Variants in CEP350 observed in about 807,000 individuals in gnomAD.
CEP350 encodes centrosome-associated protein 350.
Under a neutral mutation model 331.8 loss-of-function variants are expected in CEP350, and 126 were observed. That is an observed-to-expected ratio of 0.38 (90% CI 0.33 to 0.44). The LOEUF (loss-of-function observed/expected upper bound fraction) is 0.44, where lower values mean the gene tolerates loss of function less well. CEP350 is among the 20% of genes least tolerant of loss of function. The pLI is 1.00. For missense variants in CEP350, 3,406 were observed against 3,634.6 expected, an observed-to-expected ratio of 0.94 and a Z score of 1.62; for synonymous variants, 1,200 against 1,259.5, an observed-to-expected ratio of 0.95 and a Z score of 1.00.
chr1:180,083,856 G>A (rs377317965), intron 30 of CEP350, among the ~76,000 whole-genome samples, 162 bp from the exon 31 acceptor site: 5 of 151,812 alleles, frequency 3.3e-5, no homozygotes, highest in Non-Finnish European at 4.4e-5. Flanking sequence ...GGAATTATAG[G>A]GATACATTTT....
At chr1:180,006,052 T>G (rs1654234118) in intron 7 of CEP350, among the ~76,000 whole-genome samples, 1 of 152,186 alleles carries the variant, frequency 6.6e-6, no homozygotes, top group Non-Finnish European at 1.5e-5. Context: ...TTTAAGAATA[T>G]TATATTGAGT....
intron 14 of CEP350, among the ~76,000 whole-genome samples, chr1:180,029,270 G>A (rs908622177): frequency 6.6e-6 from 1 of 152,076 alleles, no homozygotes; most frequent in African/African-American, 2.4e-5. Flanking sequence ...TGCACAGAAT[G>A]TTATCTTGTC....
chr1:180,016,468 C>CT (rs1276595450), intron 11 of CEP350, among the ~76,000 whole-genome samples: 2 of 151,964 alleles, frequency 1.3e-5, no homozygotes, highest in Non-Finnish European at 2.9e-5. Context: ...CCTTAAAATA[C>CT]TTTTTTGCTG....
chr1:180,078,385 A>T (rs1659363376), intron 28 of CEP350, 78 bp from the exon 29 acceptor site: 5 of 1,071,840 alleles, frequency 4.7e-6, no homozygotes, highest in Non-Finnish European at 6.8e-6. Context: ...AATATGCTAA[A>T]AACAATGTTT....
chr1:180,090,449 G>C (rs1660107303), intron 32 of CEP350, among the ~76,000 whole-genome samples: 2 of 150,086 alleles, frequency 1.3e-5, no homozygotes, highest in Non-Finnish European at 1.5e-5. Context: ...GGGAGGCTGA[G>C]GCAGGAGAAT....
Position 180,093,451 on chromosome 1 carries a change from A to T in CEP350, c.7346A>T (p.Asn2449Ile). Reference sequence around the variant, plus strand: ...GAGAAAAGCCTTTCTATCCATAGCAATGTTCATTCTGACAGGCTGTTGGAA... The same window carrying T: ...GAGAAAAGCCTTTCTATCCATAGCATTGTTCATTCTGACAGGCTGTTGGAA... Reference protein sequence around the residue: ...LSEKSLSIHSNVHSDRLLELK... With the variant: ...LSEKSLSIHSIVHSDRLLELK... The change falls in exon 34 of 38, where the codon AAT becomes ATT. Residue 2449 changes from asparagine (N) to isoleucine (I), a missense_variant. Physicochemically the swap from Asn to Ile is moderately radical, Grantham distance 149. This residue lies in a region of CEP350 where 1,415 missense variants were observed against 1,512.3 expected (regional missense o/e 0.94). Coordinates refer to ENST00000367607, the MANE Select transcript of CEP350 (RefSeq NM_014810.5). The T allele has an allele frequency of 6.2e-7, 1 of 1,605,796 alleles. No individual in the cohort carries two copies. The highest frequency in any genetic ancestry group is 8.5e-7 in the Non-Finnish European group (1 of 1,175,718).
At chr1:180,062,457 A>C in intron 26 of CEP350, 91 bp downstream of exon 26, 15 of 1,395,814 alleles carry the variant, frequency 1.1e-5, no homozygotes, top group Non-Finnish European at 1.4e-5. Flanking sequence ...TATTCATTCA[A>C]GCAGTATGAT....
At chr1:179,974,313 C>G (rs1446643243) in intron 1 of CEP350, among the ~76,000 whole-genome samples, 1 of 152,170 alleles carries the variant, frequency 6.6e-6, no homozygotes, top group Non-Finnish European at 1.5e-5. Context: ...ATCTCCTGAC[C>G]TTGTGATCCG....
intron 1 of CEP350, among the ~76,000 whole-genome samples, chr1:179,984,176 G>T (rs976556694): frequency 6.6e-6 from 1 of 152,176 alleles, no homozygotes; most frequent in Non-Finnish European, 1.5e-5. Flanking sequence ...AGTGTTATTT[G>T]TAATAGAGAA....
In CEP350 at chr1:180,094,042, T is replaced by A; in HGVS notation, c.7937T>A (p.Val2646Glu). Residue 2646 changes from valine to glutamate, a missense_variant, in exon 34 of 38, where the codon GTA (valine) becomes GAA (glutamate). By Grantham distance (121) the Val-to-Glu change is moderately radical. Around this residue, in one of 5 missense-constraint regions of CEP350, gnomAD observed 1,415 missense variants for 1,512.3 expected, o/e 0.94. Coordinates refer to ENST00000367607, the MANE Select transcript of CEP350 (RefSeq NM_014810.5). ...ETDNVQDISG[V>E]LEAHVHQQSS... ...GACAATGTACAGGACATTTCTGGGG[T>A]ACTTGAAGCCCATGTTCACCAGCAG... 2.5e-6 allele frequency: 4 copies of A among 1,613,812 alleles called. No individual in the cohort carries two copies. Among genetic ancestry groups the A allele is most frequent in the Non-Finnish European group, 3.4e-6 (4 of 1,179,804 alleles).
chr1:179,973,198 T>A (rs1651588970), intron 1 of CEP350, among the ~76,000 whole-genome samples: 1 of 152,224 alleles, frequency 6.6e-6, no homozygotes, highest in East Asian at 1.9e-4. Context: ...ACAAGGCAAA[T>A]ATGTTTTCTA....
intron 36 of CEP350, among the ~76,000 whole-genome samples, chr1:180,096,834 A>G (rs1479958942): frequency 1.3e-5 from 2 of 152,358 alleles, no homozygotes; most frequent in African/African-American, 2.4e-5. Context: ...GGCAAAGGTT[A>G]TATTTCCAGA....
chr1:180,062,617 G>A (rs570989645), intron 26 of CEP350, among the ~76,000 whole-genome samples: 122 of 152,256 alleles, frequency 8.0e-4, no homozygotes, highest in African/African-American at 2.8e-3. Flanking sequence ...AGGTCAAGGT[G>A]CCACATCTGG....
Position 180,013,956 on chromosome 1 carries a change from A to G in CEP350, c.1503A>G (p.Ile501Met), listed in dbSNP as rs755747837. 8 of 1,613,654 alleles carry G rather than the reference A, an allele frequency of 5.0e-6. No individual in the cohort carries two copies. The highest frequency in any genetic ancestry group is 2.7e-5 in the African/African-American group (2 of 74,922). ...GTAAATCTCGGTCTGAAAATAATATAAAGAAACTAGCTTCATCTCTTCCAG... is the reference window on the plus strand; with the variant it reads ...GTAAATCTCGGTCTGAAAATAATATGAAGAAACTAGCTTCATCTCTTCCAG... ...SRSKSRSENN[I>M]KKLASSLPDN... Residue 501 changes from isoleucine (I) to methionine (M), a missense_variant, in exon 10 of 38, where the codon ATA (isoleucine) becomes ATG (methionine). Coordinates refer to ENST00000367607, the MANE Select transcript of CEP350 (RefSeq NM_014810.5).
At chr1:180,044,271 AT>A (rs1201297421) in intron 21 of CEP350, 98 bp downstream of exon 21, 1 of 1,250,268 alleles carries the variant, frequency 8.0e-7, no homozygotes, top group Non-Finnish European at 1.1e-6. Flanking sequence ...GTTTATTTAA[AT>A]AGAACAGTGT....
At chr1:180,091,956 G>A (rs1660223456) in intron 33 of CEP350, among the ~76,000 whole-genome samples, 1 of 151,978 alleles carries the variant, frequency 6.6e-6, no homozygotes, top group Admixed American at 6.6e-5. Flanking sequence ...GGAGGCTGAG[G>A]CTAAGGATCG....
chr1:180,095,838 G>A lies in CEP350; in HGVS notation c.8827G>A (p.Asp2943Asn), dbSNP rs752653928. 27 of 1,613,776 alleles carry A rather than the reference G, an allele frequency of 1.7e-5. No homozygotes were observed. Among genetic ancestry groups the A allele is most frequent in the Admixed American group, 3.3e-5 (2 of 59,990 alleles). Residue 2943 changes from aspartate to asparagine, a missense_variant, in exon 35 of 38, where the codon GAT (aspartate) becomes AAT (asparagine). Coordinates refer to ENST00000367607, the MANE Select transcript of CEP350 (RefSeq NM_014810.5). ...ELWKWKELGH[D>N]LHSISIPTKL... is the part of the protein sequence containing the mutation. ...TTGGAAATGGAAAGAATTAGGCCAC[G>A]ATCTTCATAGCATCAGTATTCCTAC... is the stretch of plus-strand genomic sequence containing the variant.
intron 14 of CEP350, among the ~76,000 whole-genome samples, chr1:180,027,880 G>A (rs1157211909): frequency 1.3e-5 from 2 of 152,080 alleles, no homozygotes; most frequent in Non-Finnish European, 2.9e-5. Context: ...AATATGCCAT[G>A]TTTAAAATGT....
chr1:180,093,487 C>T lies in CEP350; in HGVS notation c.7382C>T (p.Pro2461Leu). The T allele has an allele frequency of 6.2e-7, 1 of 1,610,882 alleles. No individual in the cohort carries two copies. The highest frequency in any genetic ancestry group is 1.1e-5 in the South Asian group (1 of 90,594). Residue 2461 changes from proline to leucine, a missense_variant, in exon 34 of 38, where the codon CCT becomes CTT. Around this residue, in one of 5 missense-constraint regions of CEP350, gnomAD observed 1,415 missense variants for 1,512.3 expected, o/e 0.94. Coordinates refer to ENST00000367607, the MANE Select transcript of CEP350 (RefSeq NM_014810.5). ...GACAGGCTGTTGGAACTCAAGTCCC[C>T]TACTGAGCTGATGAAAAGTAAGGAG... ...HSDRLLELKS[P>L]TELMKSKERS...
Sources: gnomAD v4.1 joint callset for allele counts (sites outside exome capture counted in the v4.1 genomes callset) on GRCh38, gnomAD v4.1.1 for gene constraint, gnomAD v4.1.1 regional missense constraint, MANE v1.5 for transcripts, NCBI Gene and HGNC (gene_info 2026-07-23, HGNC 2026-07-21) for gene names.